Variants in ZHX3 observed in about 807,000 individuals in gnomAD.
ZHX3 encodes zinc fingers and homeoboxes protein 3.
A neutral mutation model predicts 64.5 loss-of-function variants in ZHX3; 20 were observed. That is an observed-to-expected ratio of 0.31 (90% CI 0.22 to 0.45). ZHX3 has a LOEUF of 0.45. ZHX3 is among the 20% of genes least tolerant of loss of function. The pLI, the probability that ZHX3 is intolerant of heterozygous loss-of-function variation, is 1.00. For missense variants in ZHX3, 1,041 were observed against 1,195.8 expected (o/e 0.87, Z 1.91); for synonymous variants, 423 against 461.6 (o/e 0.92, Z 1.07).
chr20:41,190,684 T>A (rs2036942151), intron 3 of ZHX3, among the ~76,000 whole-genome samples: 1 of 152,222 alleles, frequency 6.6e-6, no homozygotes, highest in Non-Finnish European at 1.5e-5. Flanking sequence ...TGTTTTCACT[T>A]CCATGTTTAG....
chr20:41,240,966 A>G (rs2041342696), intron 2 of ZHX3, among the ~76,000 whole-genome samples: 1 of 152,234 alleles, frequency 6.6e-6, no homozygotes, highest in South Asian at 2.1e-4. Flanking sequence ...GAATAGTGCT[A>G]CAATAAACAT....
chr20:41,237,944 G>C (rs1274785863), intron 2 of ZHX3, among the ~76,000 whole-genome samples: 1 of 152,148 alleles, frequency 6.6e-6, no homozygotes, highest in Non-Finnish European at 1.5e-5. Context: ...GGCTTACACA[G>C]TATCTGGTGT....
rs2039208390 is a variant in ZHX3 at position 41,212,217 on chromosome 20, A to G, written c.-150-7151T>C. ...ATAGAAAGATAATTTTTAAACGGGTAAAGGATTTGAATAGACACTTCTCCA... is the reference window on the plus strand; with the variant it reads ...ATAGAAAGATAATTTTTAAACGGGTGAAGGATTTGAATAGACACTTCTCCA... On this transcript the variant is annotated intron_variant, in intron 2 of 3. Transcript: ENST00000683867. This position sits in a 1 kb window ranked among gnomAD's most constrained non-coding sequence, Gnocchi z 4.3. Among the ~76,000 whole-genome samples, 1 of 152,208 alleles carries G rather than the reference A, an allele frequency of 6.6e-6. No individual in the cohort carries two copies. Among genetic ancestry groups the G allele is most frequent in the Admixed American group, 6.5e-5 (1 of 15,274 alleles).
At position 41,224,633 on chromosome 20, in the gene ZHX3, A is replaced by G. The variant is rs190888943; in HGVS notation, c.-150-19567T>C. Among the ~76,000 whole-genome samples, 337 of 152,348 alleles carry G rather than the reference A, an allele frequency of 2.2e-3. 1 individual carries two copies. Among genetic ancestry groups the G allele is most frequent in the Non-Finnish European group, 3.2e-3 (219 of 68,028 alleles). ...GGAGGACTTTGAGGTGAAGTGACCC[A>G]GTGGGACAAGGAAACACTGCTAGAA... On this transcript the variant is annotated intron_variant, in intron 2 of 3. Coordinates refer to ENST00000683867, the MANE Select transcript of ZHX3 (RefSeq NM_001384317.1). The surrounding 1 kb of genome is among the most constrained non-coding windows in gnomAD (Gnocchi z 5.2).
At chr20:41,209,849 T>A (rs554133389) in intron 2 of ZHX3, among the ~76,000 whole-genome samples, 1 of 152,182 alleles carries the variant, frequency 6.6e-6, no homozygotes, top group African/African-American at 2.4e-5. Flanking sequence ...ACAAATGGGA[T>A]CTAATTAAAC....
chr20:41,203,221 T>C lies in ZHX3; in HGVS notation c.1696A>G (p.Ile566Val). The part of the protein sequence containing the change: ...RAMIPGDHSS[I>V]IIDSVPEVSF... The stretch of plus-strand genomic sequence containing the variant: ...ACCTCTGGCACAGAGTCAATGATGA[T>C]GGAACTGTGATCTCCAGGTATCATC... The change falls in exon 3 of 4, where the codon ATC (isoleucine) becomes GTC (valine). Residue 566 changes from isoleucine to valine, a missense_variant. Ile to Val is a conservative substitution (Grantham distance 29, BLOSUM62 3). Around this residue, in one of 4 missense-constraint regions of ZHX3, gnomAD observed 649 missense variants for 739.8 expected, o/e 0.88. Coordinates refer to ENST00000683867, the MANE Select transcript of ZHX3 (RefSeq NM_001384317.1). The surrounding 1 kb of genome is among the most constrained non-coding windows in gnomAD (Gnocchi z 7.1). The C allele has an allele frequency of 3.1e-6, 5 of 1,614,174 alleles. No homozygotes were observed. The highest frequency in any genetic ancestry group is 4.2e-6 in the Non-Finnish European group (5 of 1,180,034).
At chr20:41,210,859 A>C (rs1284383411) in intron 2 of ZHX3, among the ~76,000 whole-genome samples, 1 of 152,214 alleles carries the variant, frequency 6.6e-6, no homozygotes, top group African/African-American at 2.4e-5. Context: ...AATTATAAGT[A>C]ATCTTCACAT....
At chr20:41,217,879 T>C (rs773703706) in intron 2 of ZHX3, among the ~76,000 whole-genome samples, 2 of 152,242 alleles carry the variant, frequency 1.3e-5, no homozygotes, top group Non-Finnish European at 2.9e-5. Context: ...TTTTAGACTA[T>C]ATTCATTCTG....
At position 41,202,282 on chromosome 20, in the gene ZHX3, C is replaced by T. The variant is rs1307488887; in HGVS notation, c.2635G>A (p.Val879Ile). Residue 879 changes from valine to isoleucine, a missense_variant, in exon 3 of 4, where the codon GTC becomes ATC. Physicochemically the swap from Val to Ile is conservative, Grantham distance 29. Coordinates refer to ENST00000683867, the MANE Select transcript of ZHX3 (RefSeq NM_001384317.1). The surrounding 1 kb of genome is among the most constrained non-coding windows in gnomAD (Gnocchi z 7.0). The part of the protein sequence containing the change: ...CDKTQMSSQQ[V>I]KQWFAEKMGE... ...ATTTTCTCAGCAAACCACTGCTTGA[C>T]CTGCTGGGAGCTCATCTGGGTCTTG... The T allele has an allele frequency of 1.9e-6, 3 of 1,614,034 alleles. No homozygotes were observed. The highest frequency in any genetic ancestry group is 2.5e-6 in the Non-Finnish European group (3 of 1,180,030).
intron 3 of ZHX3, among the ~76,000 whole-genome samples, chr20:41,192,920 G>A (rs1233566179): frequency 6.6e-6 from 1 of 152,216 alleles, no homozygotes; most frequent in Non-Finnish European, 1.5e-5. Flanking sequence ...TTTCATGGTG[G>A]AAATGTGGAC....
chr20:41,270,327 G>C (rs973453073), intron 1 of ZHX3, among the ~76,000 whole-genome samples: 1 of 134,640 alleles, frequency 7.4e-6, no homozygotes, highest in Non-Finnish European at 1.5e-5. Context: ...AGTGAGCCGA[G>C]ATCGCACCAC....
rs1378769787 is a variant in ZHX3, at chr20:41,202,757, G to T, written c.2160C>A (p.Arg720=). Residue 720 remains arginine (R), a synonymous_variant, in exon 3 of 4, where the codon CGC becomes CGA. Coordinates refer to ENST00000683867, the MANE Select transcript of ZHX3 (RefSeq NM_001384317.1). The surrounding 1 kb of genome is among the most constrained non-coding windows in gnomAD (Gnocchi z 7.0). ...GGTTGATTTTAATGGGGCTGACTTT[G>T]CGCTCTGCCAAGATATGGCTGCTGG... is the stretch of plus-strand genomic sequence containing the variant. The part of the protein sequence containing the change: ...EMPSSHILAE[R]KVSPIKINLK... 1 of 1,614,100 alleles carries T rather than the reference G, an allele frequency of 6.2e-7. No homozygotes were observed. The highest frequency in any genetic ancestry group is 8.5e-7 in the Non-Finnish European group (1 of 1,180,018).
Position 41,278,173 on chromosome 20 carries a change from T to A in ZHX3, c.-244-9090A>T, listed in dbSNP as rs1409791575. Among the ~76,000 whole-genome samples the A allele has an allele frequency of 2.9e-5, 4 of 136,796 alleles. 1 individual carries two copies. Among genetic ancestry groups the A allele is most frequent in the Admixed American group, 1.5e-4 (2 of 13,632 alleles). 89.7% of individuals were successfully genotyped at this position (136,796 alleles called of 152,430 possible). A position where few individuals can be genotyped will look rare whatever the true frequency, so the allele number is the denominator to read the frequency against. On this transcript the variant is annotated intron_variant, in intron 1 of 3. Transcript: ENST00000683867. ...GCCTGGCCAACATGGTGAAACTACA[T>A]CTCTACTAAAAATACAAAAATTAGC...
chr20:41,220,589 G>A (rs1259214962), intron 2 of ZHX3, among the ~76,000 whole-genome samples: 1 of 152,172 alleles, frequency 6.6e-6, no homozygotes, highest in East Asian at 1.9e-4. Context: ...ATCTGCTTGT[G>A]ATGGATCAGG....
intron 2 of ZHX3, among the ~76,000 whole-genome samples, chr20:41,234,172 T>C (rs1171408431): frequency 6.6e-6 from 1 of 152,204 alleles, no homozygotes; most frequent in East Asian, 1.9e-4. Flanking sequence ...CCTGTTGCAC[T>C]GGTGGCACTG....
At position 41,232,780 on chromosome 20, in the gene ZHX3, T is replaced by C. The variant is rs983046514; in HGVS notation, c.-150-27714A>G. ...TTTTGTATTTTTAGTAGAGACGGGG[T>C]TTCACCGTGTTAGCCAGGATAGTCT... On this transcript the variant is annotated intron_variant, in intron 2 of 3. Coordinates refer to ENST00000683867, the MANE Select transcript of ZHX3 (RefSeq NM_001384317.1). This position sits in a 1 kb window ranked among gnomAD's most constrained non-coding sequence, Gnocchi z 5.0. Among the ~76,000 whole-genome samples, 6 of 151,888 alleles carry C rather than the reference T, an allele frequency of 4.0e-5. No individual in the cohort carries two copies. Among genetic ancestry groups the C allele is most frequent in the African/African-American group, 1.5e-4 (6 of 41,324 alleles).
chr20:41,293,153 G>A (rs2044334135), intron 1 of ZHX3, among the ~76,000 whole-genome samples: 1 of 152,166 alleles, frequency 6.6e-6, no homozygotes, highest in African/African-American at 2.4e-5. Flanking sequence ...CCCAAGAACT[G>A]TGCCCTGCTA....
At chr20:41,225,239 A>T (rs2040187502) in intron 2 of ZHX3, among the ~76,000 whole-genome samples, 1 of 152,200 alleles carries the variant, frequency 6.6e-6, no homozygotes, top group Admixed American at 6.5e-5. Context: ...CATTCGGTGA[A>T]TTGATAGGAA....
intron 1 of ZHX3, among the ~76,000 whole-genome samples, chr20:41,301,507 C>T (rs2044803790): frequency 6.6e-6 from 1 of 152,162 alleles, no homozygotes; most frequent in Non-Finnish European, 1.5e-5. Flanking sequence ...CCTTTCAGTC[C>T]TTGAATTCAT....
Sources: gnomAD v4.1 joint callset for allele counts (sites outside exome capture counted in the v4.1 genomes callset) on GRCh38, gnomAD v4.1.1 for gene constraint, gnomAD v4.1.1 regional missense constraint, Gnocchi (gnomAD v3.1) non-coding constraint, MANE v1.5 for transcripts, NCBI Gene and HGNC (gene_info 2026-07-23, HGNC 2026-07-21) for gene names.